ADGRL3: variants seen among roughly 807,000 people sequenced by gnomAD.
ADGRL3 encodes the protein adhesion G protein-coupled receptor L3.
Under a neutral mutation model 153.5 loss-of-function variants are expected in ADGRL3, and 62 were observed. The observed-to-expected ratio is 0.40, with a 90% CI of 0.33 to 0.50. The LOEUF (loss-of-function observed/expected upper bound fraction) is 0.50, where lower values mean the gene tolerates loss of function less well. Ranked by LOEUF, ADGRL3 falls within the 20% of genes least tolerant of loss-of-function variation. ADGRL3 has a pLI of 0.47. For synonymous variants in ADGRL3, 710 were observed against 672.5 expected (o/e 1.06, Z -0.86); for missense variants, 1,641 against 1,859.4 (o/e 0.88, Z 2.16).
intron 6 of ADGRL3, among the ~76,000 whole-genome samples, chr4:61,693,788 A>T (rs942613844): frequency 3.3e-5 from 5 of 152,186 alleles, no homozygotes; most frequent in Non-Finnish European, 7.3e-5. Context: ...CTTCAGCTTG[A>T]TATTAAATAG....
intron 5 of ADGRL3, among the ~76,000 whole-genome samples, chr4:61,624,803 A>C (rs1303538093): frequency 6.6e-6 from 1 of 152,166 alleles, no homozygotes; most frequent in Non-Finnish European, 1.5e-5. Flanking sequence ...AACCATTGTC[A>C]TAAGATTAAC....
chr4:61,328,342 G>A lies in ADGRL3; in HGVS notation c.-239-54782G>A, dbSNP rs564854864. Among the ~76,000 whole-genome samples the A allele has an allele frequency of 2.0e-4, 30 of 152,218 alleles. No individual in the cohort carries two copies. The South Asian group carries it at 3.3e-3, about 17-fold the overall frequency. ...ACAGAAACATTTTGACATTTATTTCGGAGATAGTAGGAACTAGTGATGCTT... is the reference window on the plus strand; with the variant it reads ...ACAGAAACATTTTGACATTTATTTCAGAGATAGTAGGAACTAGTGATGCTT... On this transcript the variant is annotated intron_variant, in intron 1 of 26. Coordinates refer to ENST00000683033, the MANE Select transcript of ADGRL3 (RefSeq NM_001387552.1).
intron 5 of ADGRL3, among the ~76,000 whole-genome samples, chr4:61,667,159 G>A (rs575972994): frequency 1.4e-4 from 21 of 152,204 alleles, no homozygotes; most frequent in Admixed American, 1.3e-3. Flanking sequence ...TGATGGATAT[G>A]ATAATTTGTT....
chr4:61,441,182 C>A (rs2097524615), intron 2 of ADGRL3, among the ~76,000 whole-genome samples: 1 of 152,232 alleles, frequency 6.6e-6, no homozygotes, highest in African/African-American at 2.4e-5. Flanking sequence ...CTCCAAAAGC[C>A]TGACCAGTTC....
intron 8 of ADGRL3, among the ~76,000 whole-genome samples, chr4:61,783,946 T>A (rs951687040): frequency 3.3e-5 from 5 of 152,110 alleles, no homozygotes; most frequent in Non-Finnish European, 7.4e-5. Flanking sequence ...TATCTGACAG[T>A]TTTGATGTAA....
At chr4:61,274,681 T>C (rs565266123) in intron 1 of ADGRL3, among the ~76,000 whole-genome samples, 1 of 152,244 alleles carries the variant, frequency 6.6e-6, no homozygotes, top group East Asian at 1.9e-4. Context: ...TGGAGTGATT[T>C]TGGAGGCAGA....
At chr4:61,680,016 A>G (rs1561052268) in intron 6 of ADGRL3, among the ~76,000 whole-genome samples, 1 of 151,888 alleles carries the variant, frequency 6.6e-6, no homozygotes, top group Non-Finnish European at 1.5e-5. Flanking sequence ...GCAAACTTTT[A>G]TTTTCCCAAA....
chr4:61,916,763 G>A (rs1247825041), intron 13 of ADGRL3, among the ~76,000 whole-genome samples: 1 of 152,096 alleles, frequency 6.6e-6, no homozygotes, highest in Non-Finnish European at 1.5e-5. Context: ...GACCAGCCTG[G>A]CCAACATGGT....
chr4:61,232,898 A>T (rs1751341313), intron 1 of ADGRL3, among the ~76,000 whole-genome samples: 1 of 152,192 alleles, frequency 6.6e-6, no homozygotes, highest in South Asian at 2.1e-4. Context: ...TGAAACTGTC[A>T]TCAGGACTTT....
At position 61,582,842 on chromosome 4, in the gene ADGRL3, CCTT is replaced by C. The variant is rs1392982971; in HGVS notation, c.260-4380_260-4378del. On this transcript the variant is annotated intron_variant, in intron 4 of 26. Coordinates refer to ENST00000683033, the MANE Select transcript of ADGRL3 (RefSeq NM_001387552.1). ...GTATCTCTCCCATGACTAAGGAGCA[CCTT>C]CTTCAAGTCGTCAGTGACCACTGAT... 2.0e-5 allele frequency among the ~76,000 whole-genome samples: 3 copies of C among 151,956 alleles called. No homozygotes were observed. The South Asian group carries it at 6.2e-4, about 31-fold the overall frequency.
At chr4:61,912,798 GTC>G (rs752548059) in intron 13 of ADGRL3, 41 bp downstream of exon 13, 1 of 1,580,668 alleles carries the variant, frequency 6.3e-7, no homozygotes, top group Admixed American at 1.7e-5. Context: ...GTTGTTGAAT[GTC>G]TCTGTTGTGA....
At chr4:61,607,720 A>G (rs1393320949) in intron 5 of ADGRL3, among the ~76,000 whole-genome samples, 2 of 152,344 alleles carry the variant, frequency 1.3e-5, no homozygotes, top group East Asian at 1.9e-4. Context: ...TATAAAAACT[A>G]TGCCTACATT....
chr4:61,992,519 A>C (rs1301586603), intron 19 of ADGRL3, among the ~76,000 whole-genome samples: 1 of 152,192 alleles, frequency 6.6e-6, no homozygotes, highest in African/African-American at 2.4e-5. Context: ...GCATGTGGCC[A>C]GAAACAACAG....
intron 8 of ADGRL3, among the ~76,000 whole-genome samples, chr4:61,747,912 G>C (rs1205222853): frequency 3.4e-4 from 52 of 152,092 alleles, no homozygotes; most frequent in Non-Finnish European, 1.3e-4. Flanking sequence ...AAGAGGAAGT[G>C]AAATTGTCCC....
chr4:61,653,069 T>C (rs1203616548), intron 5 of ADGRL3, among the ~76,000 whole-genome samples: 1 of 151,446 alleles, frequency 6.6e-6, no homozygotes, highest in Admixed American at 6.6e-5. Flanking sequence ...TTAAATGAGG[T>C]CATAAGGGCA....
At chr4:61,237,012 A>G (rs1471478720) in intron 1 of ADGRL3, among the ~76,000 whole-genome samples, 2 of 152,116 alleles carry the variant, frequency 1.3e-5, no homozygotes. Flanking sequence ...TTTATTTTTC[A>G]AAAAGAAAAG....
chr4:61,935,887 T>G (rs2098836285), intron 14 of ADGRL3, 36 bp from the exon 15 acceptor site: 1 of 1,557,186 alleles, frequency 6.4e-7, no homozygotes, highest in Non-Finnish European at 8.7e-7. Context: ...TAGGTATGTT[T>G]CTCAATGAGC....
chr4:61,340,978 T>A (rs2095797280), intron 1 of ADGRL3, among the ~76,000 whole-genome samples: 1 of 152,144 alleles, frequency 6.6e-6, no homozygotes, highest in African/African-American at 2.4e-5. Flanking sequence ...TATGCATTAT[T>A]ATAGTTTTCC....
chr4:61,877,769 G>A (rs1278866394), intron 9 of ADGRL3, among the ~76,000 whole-genome samples: 2 of 152,078 alleles, frequency 1.3e-5, no homozygotes, highest in African/African-American at 4.8e-5. Context: ...GTTTGGCTCT[G>A]TGTCACCACC....
Sources: allele counts gnomAD v4.1 joint callset (sites outside exome capture counted in the v4.1 genomes callset), GRCh38; gene constraint gnomAD v4.1.1; transcripts MANE v1.5; gene names NCBI Gene and HGNC (gene_info 2026-07-23, HGNC 2026-07-21).